CALN1: variants seen among roughly 807,000 people sequenced by gnomAD.
CALN1 encodes the protein calneuron 1, also known as calcium-binding protein 8.
In CALN1, 17 loss-of-function variants were observed where a neutral mutation model predicts 30.6. The ratio of observed to expected loss-of-function variants is 0.56; its 90% CI spans 0.38 to 0.83. CALN1 has a LOEUF of 0.83. CALN1 is among the 40% of genes least tolerant of loss of function. The pLI, the probability that CALN1 is intolerant of heterozygous loss-of-function variation, is 0.00. For missense variants in CALN1, 291 were observed against 354.9 expected (o/e 0.82, Z 1.45); for synonymous variants, 156 against 131.4 (o/e 1.19, Z -1.28).
intron 2 of CALN1, among the ~76,000 whole-genome samples, chr7:72,401,124 G>A (rs936989527): frequency 6.6e-6 from 1 of 152,306 alleles, no homozygotes; most frequent in African/African-American, 2.4e-5. Flanking sequence ...ATGACCTATA[G>A]ATGGGGACTG....
intron 3 of CALN1, among the ~76,000 whole-genome samples, chr7:72,112,446 G>A (rs1004623387): frequency 9.2e-5 from 14 of 152,162 alleles, no homozygotes; most frequent in South Asian, 2.1e-4. Context: ...AAGAAGATGC[G>A]TTGTGAGGCT....
At chr7:71,869,753 C>T (rs1246407115) in intron 5 of CALN1, among the ~76,000 whole-genome samples, 2 of 152,154 alleles carry the variant, frequency 1.3e-5, no homozygotes, top group South Asian at 4.1e-4. Context: ...ATTTTACACT[C>T]TACTCTCTGG....
intron 5 of CALN1, among the ~76,000 whole-genome samples, chr7:71,841,794 A>T (rs929908838): frequency 6.6e-6 from 1 of 152,122 alleles, no homozygotes; most frequent in Non-Finnish European, 1.5e-5. Context: ...TGGGAGCTGA[A>T]CATTGGGTCC....
At chr7:72,142,049 C>T (rs1346573865) in intron 3 of CALN1, among the ~76,000 whole-genome samples, 1 of 152,184 alleles carries the variant, frequency 6.6e-6, no homozygotes, top group African/African-American at 2.4e-5. Context: ...GCGTGAGCGA[C>T]GCAGAAGACA....
chr7:71,833,895 G>A (rs1223009727), intron 5 of CALN1, among the ~76,000 whole-genome samples: 1 of 151,992 alleles, frequency 6.6e-6, no homozygotes, highest in Non-Finnish European at 1.5e-5. Context: ...GCAGCAAAGT[G>A]AGATCCTGTC....
At chr7:72,379,588 A>C (rs573291737) in intron 2 of CALN1, among the ~76,000 whole-genome samples, 8 of 152,270 alleles carry the variant, frequency 5.3e-5, no homozygotes, top group Non-Finnish European at 1.2e-4. Context: ...CCCTGGTCAC[A>C]GTGTTCATGA....
chr7:71,858,755 C>T (rs889843778), intron 5 of CALN1, among the ~76,000 whole-genome samples: 7 of 152,158 alleles, frequency 4.6e-5, no homozygotes, highest in African/African-American at 1.7e-4. Context: ...CCCCTCCCCA[C>T]CTCAAGTTGT....
chr7:72,070,890 A>G (rs1804346284), intron 4 of CALN1, among the ~76,000 whole-genome samples: 1 of 152,224 alleles, frequency 6.6e-6, no homozygotes, highest in Non-Finnish European at 1.5e-5. Flanking sequence ...GTGAAATAAC[A>G]TAGAAGAGCT....
chr7:72,073,343 T>C (rs976081724), intron 4 of CALN1, among the ~76,000 whole-genome samples: 1 of 152,210 alleles, frequency 6.6e-6, no homozygotes, highest in Non-Finnish European at 1.5e-5. Context: ...TATTAAACAA[T>C]ATTTACTTGC....
the CALN1 span, among the ~76,000 whole-genome samples, chr7:72,499,871 T>C: frequency 0.086 from 6,337 of 73,812 alleles, 1,093 homozygotes; most frequent in African/African-American, 0.14. Context: ...CTTTCTTTCT[T>C]TCTTTCTTTC....
At chr7:72,328,061 A>C (rs2129557824) in intron 2 of CALN1, among the ~76,000 whole-genome samples, 1 of 152,308 alleles carries the variant, frequency 6.6e-6, no homozygotes, top group Non-Finnish European at 1.5e-5. Flanking sequence ...AGAGTGAAGA[A>C]AGGTGCCTTC....
chr7:71,881,627 C>T (rs892952280), intron 5 of CALN1, among the ~76,000 whole-genome samples: 1 of 152,154 alleles, frequency 6.6e-6, no homozygotes, highest in Non-Finnish European at 1.5e-5. Context: ...GATTCACGCT[C>T]CGATTAGAGC....
chr7:72,434,531 A>C (rs1332801853), intron 1 of CALN1, among the ~76,000 whole-genome samples: 1 of 150,154 alleles, frequency 6.7e-6, no homozygotes, highest in Non-Finnish European at 1.5e-5. Flanking sequence ...AAGAAGGAGA[A>C]GGAGAAGGAG....
chr7:72,360,487 A>C (rs373270540), intron 2 of CALN1, among the ~76,000 whole-genome samples: 1 of 151,792 alleles, frequency 6.6e-6, no homozygotes. Context: ...AGATGCATAC[A>C]AAAAAATGGG....
chr7:72,107,503 C>T (rs1807258878), intron 3 of CALN1, among the ~76,000 whole-genome samples: 1 of 152,224 alleles, frequency 6.6e-6, no homozygotes, highest in African/African-American at 2.4e-5. Flanking sequence ...CAGGCAATCT[C>T]TCCTCTTCCC....
chr7:72,215,729 G>A (rs930345744), intron 3 of CALN1, among the ~76,000 whole-genome samples: 2 of 152,106 alleles, frequency 1.3e-5, no homozygotes, highest in East Asian at 1.9e-4. Context: ...TACAGCAGCT[G>A]TGGATGGACC....
intron 3 of CALN1, among the ~76,000 whole-genome samples, chr7:72,272,472 G>C (rs1437473838): frequency 2.0e-5 from 3 of 152,062 alleles, no homozygotes; most frequent in Non-Finnish European, 4.4e-5. Flanking sequence ...TAAAGCCGGA[G>C]AATCACTTGA....
At position 71,784,643 on chromosome 7, in the gene CALN1, G is replaced by A. The variant is rs764202435; in HGVS notation, c.*3132C>T. On this transcript the variant is annotated 3_prime_UTR_variant, in exon 7 of 7. Coordinates refer to ENST00000395275, the MANE Select transcript of CALN1 (RefSeq NM_031468.4). The stretch of plus-strand genomic sequence containing the variant: ...CATCACTTGTGCTTTCCAGGGGGGC[G>A]GCGGGGGGTACCTGCTCTTGCAGCA... 5.8e-5 allele frequency: 23 copies of A among 394,708 alleles called. No homozygotes were observed. Among genetic ancestry groups the A allele is most frequent in the Admixed American group, 4.9e-4 (11 of 22,602 alleles). 24.5% of individuals were successfully genotyped at this position (394,708 alleles called of 1,614,324 possible).
At chr7:72,335,531 C>T (rs927498784) in intron 2 of CALN1, among the ~76,000 whole-genome samples, 3 of 152,184 alleles carry the variant, frequency 2.0e-5, no homozygotes, top group African/African-American at 7.2e-5. Flanking sequence ...AAACAGACTT[C>T]CCAGCCACAC....
Sources: allele counts gnomAD v4.1 joint callset (sites outside exome capture counted in the v4.1 genomes callset), GRCh38; gene constraint gnomAD v4.1.1; transcripts MANE v1.5; gene names NCBI Gene and HGNC (gene_info 2026-07-23, HGNC 2026-07-21).